The following RNF149 variants were observed in gnomAD, a reference collection of about 807,000 sequenced individuals.
RNF149 encodes the protein E3 ubiquitin-protein ligase RNF149.
RNF149 carries 21 observed loss-of-function variants against 39.0 expected under a neutral mutation model. The ratio of observed to expected loss-of-function variants is 0.54; its 90% CI spans 0.38 to 0.77. The LOEUF (loss-of-function observed/expected upper bound fraction) is 0.77, where lower values mean the gene tolerates loss of function less well. RNF149 is among the 30% of genes least tolerant of loss of function. The pLI is 0.00. For synonymous variants in RNF149, 209 were observed against 213.6 expected (o/e 0.98, Z 0.19); for missense variants, 493 against 534.9 (o/e 0.92, Z 0.77).
intron 4 of RNF149, chr2:101,286,413 C>T (rs762513006): frequency 7.4e-5 from 26 of 349,302 alleles, no homozygotes; most frequent in South Asian, 4.0e-4. Flanking sequence ...TATGCTCTCA[C>T]GCTAGGTTGT....
intron 5 of RNF149, among the ~76,000 whole-genome samples, chr2:101,283,653 A>G (rs1682677437): frequency 6.6e-6 from 1 of 152,198 alleles, no homozygotes; most frequent in South Asian, 2.1e-4. Flanking sequence ...TGATGTTACT[A>G]TAGGTTCTGT....
In RNF149 at chr2:101,308,163, G is replaced by C. The variant is rs368889934; in HGVS notation, c.426C>G (p.Arg142=). The C allele has an allele frequency of 6.2e-7, 1 of 1,610,308 alleles. No individual in the cohort carries two copies. Among genetic ancestry groups the C allele is most frequent in the African/African-American group, 1.3e-5 (1 of 74,606 alleles). Residue 142 remains arginine (R), a synonymous_variant, in exon 1 of 7, where the codon CGC becomes CGG. Transcript: ENST00000295317. The part of the protein sequence containing the change: ...ASAVVLYNEE[R]YGNITLPMSH... ...ACATGGGCAAGGTGATGTTCCCGTAGCGCTCCTCATTGTAGAGGACGACGG... is the reference window on the plus strand; with the variant it reads ...ACATGGGCAAGGTGATGTTCCCGTACCGCTCCTCATTGTAGAGGACGACGG...
intron 5 of RNF149, among the ~76,000 whole-genome samples, chr2:101,285,156 C>T (rs1238891831): frequency 6.6e-6 from 1 of 152,074 alleles, no homozygotes; most frequent in Non-Finnish European, 1.5e-5. Flanking sequence ...CCTCAGCCTC[C>T]CTAAGTGCCG....
intron 1 of RNF149, among the ~76,000 whole-genome samples, chr2:101,304,497 A>T (rs1014277698): frequency 2.6e-5 from 4 of 152,188 alleles, no homozygotes; most frequent in African/African-American, 9.6e-5. Flanking sequence ...TATTGTCTGG[A>T]AAGTTCTGTG....
downstream of RNF149, chr2:101,273,212 G>A (rs1682202096): frequency 9.6e-7 from 1 of 1,036,600 alleles, no homozygotes; most frequent in Non-Finnish European, 1.3e-6. Context: ...ACACCGAGGA[G>A]CCGAGGAAAC....
intron 1 of RNF149, among the ~76,000 whole-genome samples, chr2:101,302,713 C>A (rs1222474484): frequency 1.3e-5 from 2 of 152,144 alleles, no homozygotes; most frequent in African/African-American, 2.4e-5. Context: ...GGTGTGGTGG[C>A]TCACACCTTC....
rs747688936 is a variant in RNF149, at chr2:101,308,615, G to T, written c.-27C>A. ...GCAGCACCGCTGAGCTGACTAGGGGGAGTCAGGGTCACGCGCGAGTGCGGT... is the reference window on the plus strand; with the variant it reads ...GCAGCACCGCTGAGCTGACTAGGGGTAGTCAGGGTCACGCGCGAGTGCGGT... On this transcript the variant is annotated 5_prime_UTR_variant, in exon 1 of 7. Coordinates refer to ENST00000295317, the MANE Select transcript of RNF149 (RefSeq NM_173647.4). 7.4e-6 allele frequency: 11 copies of T among 1,490,524 alleles called. No individual in the cohort carries two copies. The South Asian group carries it at 1.1e-4, about 14-fold the overall frequency. The allele number at this position is 1,490,524 out of a possible 1,614,324, so 92.3% of individuals were successfully genotyped here. A position where few individuals can be genotyped will look rare whatever the true frequency, so the allele number is the denominator to read the frequency against.
intron 3 of RNF149, among the ~76,000 whole-genome samples, chr2:101,289,844 G>A (rs1023336992): frequency 6.6e-6 from 1 of 152,056 alleles, no homozygotes; most frequent in African/African-American, 2.4e-5. Flanking sequence ...ACCAGACCAA[G>A]TTTGATTTTA....
chr2:101,284,486 C>A (rs1682715873), intron 5 of RNF149, among the ~76,000 whole-genome samples: 1 of 151,994 alleles, frequency 6.6e-6, no homozygotes, highest in African/African-American at 2.4e-5. Flanking sequence ...GAGGCTGAGG[C>A]TGGAGAATCA....
intron 1 of RNF149, among the ~76,000 whole-genome samples, chr2:101,298,604 C>T (rs899752279): frequency 6.6e-6 from 1 of 152,078 alleles, no homozygotes; most frequent in Non-Finnish European, 1.5e-5. Context: ...AGATAGAAAA[C>T]ACACAACATG....
chr2:101,282,403 C>T (rs1682627393), intron 5 of RNF149, among the ~76,000 whole-genome samples: 1 of 152,090 alleles, frequency 6.6e-6, no homozygotes, highest in South Asian at 2.1e-4. Flanking sequence ...TGATTACCGC[C>T]CTGTGCTGGT....
chr2:101,302,699 G>A (rs1683501148), intron 1 of RNF149, among the ~76,000 whole-genome samples: 1 of 151,996 alleles, frequency 6.6e-6, no homozygotes, highest in African/African-American at 2.4e-5. Flanking sequence ...CTCAACCTCG[G>A]CCAGGTGTGG....
chr2:101,292,235 T>G lies in RNF149; in HGVS notation c.780+1779A>C, dbSNP rs972119854. On this transcript the variant is annotated intron_variant, in intron 3 of 6. Transcript: ENST00000295317. ...AAACCATTGGAAGGTGGGGGCCATC[T>G]GTATATACCTCATGGGTCATTTAGA... Among the ~76,000 whole-genome samples the G allele has an allele frequency of 5.3e-5, 8 of 152,234 alleles. 1 individual carries two copies. Among genetic ancestry groups the G allele is most frequent in the African/African-American group, 1.9e-4 (8 of 41,462 alleles).
At chr2:101,304,815 CT>C (rs1019214475) in intron 1 of RNF149, among the ~76,000 whole-genome samples, 3 of 148,852 alleles carry the variant, frequency 2.0e-5, no homozygotes, top group African/African-American at 7.4e-5. Flanking sequence ...TCTCCTGAGG[CT>C]TGGGAAGAGA....
Position 101,295,077 on chromosome 2 carries a change from T to G in RNF149, c.565A>C (p.Thr189Pro). ...CTGATGAACTCCTGTACATGCCGGG[T>G]GCCAACCCCTATGGTCATCGTTACT... is the stretch of plus-strand genomic sequence containing the variant. The part of the protein sequence containing the change: ...IPVTMTIGVG[T>P]RHVQEFISGQ... The change falls in exon 2 of 7, where the codon ACC becomes CCC. Residue 189 changes from threonine (T) to proline (P), a missense_variant. Physicochemically the swap from Thr to Pro is conservative, Grantham distance 38 (BLOSUM62 -1). Transcript: ENST00000295317. 6.2e-7 allele frequency: 1 copy of G among 1,614,188 alleles called. No individual in the cohort carries two copies. Among genetic ancestry groups the G allele is most frequent in the Non-Finnish European group, 8.5e-7 (1 of 1,180,034 alleles).
At chr2:101,291,441 G>A (rs1558786187) in intron 3 of RNF149, among the ~76,000 whole-genome samples, 2 of 150,442 alleles carry the variant, frequency 1.3e-5, no homozygotes, top group South Asian at 2.1e-4. Context: ...GACCCACCAC[G>A]CCCAGCCTAT....
chr2:101,308,044 G>A, intron 1 of RNF149, 85 bp downstream of exon 1: 1 of 1,502,562 alleles, frequency 6.7e-7, no homozygotes, highest in Admixed American at 2.3e-5. Context: ...CCGCTTCGCG[G>A]CCTGCGGTTC....
chr2:101,279,984 G>T (rs1270209987), intron 6 of RNF149, among the ~76,000 whole-genome samples: 2 of 152,058 alleles, frequency 1.3e-5, no homozygotes. Context: ...AATGATTTTA[G>T]AATTAATCTT....
chr2:101,290,716 T>C (rs2104408386), intron 3 of RNF149, among the ~76,000 whole-genome samples: 1 of 152,218 alleles, frequency 6.6e-6, no homozygotes, highest in South Asian at 2.1e-4. Context: ...CAAATTAGAG[T>C]AAGTTACCAT....
Sources: allele counts gnomAD v4.1 joint callset (sites outside exome capture counted in the v4.1 genomes callset), GRCh38; gene constraint gnomAD v4.1.1; transcripts MANE v1.5; gene names NCBI Gene and HGNC (gene_info 2026-07-23, HGNC 2026-07-21).